The following ALK variants were observed in gnomAD, a reference collection of about 807,000 sequenced individuals.
ALK encodes ALK receptor tyrosine kinase, also known as ALK tyrosine kinase receptor.
A neutral mutation model predicts 163.1 loss-of-function variants in ALK; 74 were observed. The ratio of observed to expected loss-of-function variants is 0.45; its 90% confidence interval spans 0.38 to 0.55. ALK has a LOEUF of 0.55. Ranked by LOEUF, ALK falls within the 20% of genes least tolerant of loss-of-function variation. The probability of loss-of-function intolerance (pLI) is 0.00; values close to 1 mark genes in which losing one functional copy is unlikely to be tolerated. For missense variants in ALK, 2,063 were observed against 2,105.3 expected (o/e 0.98, Z 0.39); for synonymous variants, 960 against 843.2 (o/e 1.14, Z -2.40).
chr2:29,368,425 T>C (rs1668563874), intron 5 of ALK, among the ~76,000 whole-genome samples: 1 of 152,208 alleles, frequency 6.6e-6, no homozygotes. Context: ...GAATTTCTGG[T>C]GATGTTGCAA....
intron 2 of ALK, among the ~76,000 whole-genome samples, chr2:29,698,740 A>G (rs569559795): frequency 6.6e-6 from 1 of 152,364 alleles, no homozygotes; most frequent in African/African-American, 2.4e-5. Context: ...GATCCTGCCT[A>G]GTAAAACAGG....
At chr2:29,599,993 G>A (rs1675338373) in intron 3 of ALK, among the ~76,000 whole-genome samples, 1 of 152,114 alleles carries the variant, frequency 6.6e-6, no homozygotes, top group Non-Finnish European at 1.5e-5. Context: ...CCCATGGCGA[G>A]GTGAGGAAAT....
At chr2:29,356,833 A>G (rs905556339) in intron 5 of ALK, among the ~76,000 whole-genome samples, 5 of 152,204 alleles carry the variant, frequency 3.3e-5, no homozygotes, top group African/African-American at 1.2e-4. Context: ...TGTCTTGGAC[A>G]GAGAAGGAGA....
chr2:29,672,384 A>T (rs1359616930), intron 3 of ALK, among the ~76,000 whole-genome samples: 2 of 139,498 alleles, frequency 1.4e-5, no homozygotes, highest in African/African-American at 5.4e-5. Context: ...TGTCCATGTG[A>T]TCTCATTGTT....
chr2:29,600,157 C>T (rs1166563370), intron 3 of ALK, among the ~76,000 whole-genome samples: 1 of 152,190 alleles, frequency 6.6e-6, no homozygotes, highest in African/African-American at 2.4e-5. Context: ...CCCCCCAAGA[C>T]TGTTTTTCCT....
intron 5 of ALK, among the ~76,000 whole-genome samples, chr2:29,354,458 G>A (rs1668193502): frequency 1.3e-5 from 2 of 152,192 alleles, no homozygotes; most frequent in South Asian, 4.1e-4. Context: ...GGGTGGATCT[G>A]GGGCCAAGGC....
At chr2:29,484,905 A>G (rs761315550) in intron 4 of ALK, among the ~76,000 whole-genome samples, 1 of 152,092 alleles carries the variant, frequency 6.6e-6, no homozygotes, top group Non-Finnish European at 1.5e-5. Context: ...GACAGGTTGG[A>G]TGTCTTTCTG....
chr2:29,622,621 G>C (rs983549012), intron 3 of ALK, among the ~76,000 whole-genome samples: 2 of 152,082 alleles, frequency 1.3e-5, no homozygotes, highest in African/African-American at 4.8e-5. Context: ...ACTTTACACA[G>C]AACCCAGCTT....
At chr2:29,391,303 T>TG (rs145418800) in intron 4 of ALK, among the ~76,000 whole-genome samples, 34,830 of 84,526 alleles carry the variant, frequency 0.41, 4,831 homozygotes, top group East Asian at 0.54. Flanking sequence ...GCCTCTTTTT[T>TG]TTGGGGGGGG....
At chr2:29,600,805 T>A (rs1675362081) in intron 3 of ALK, among the ~76,000 whole-genome samples, 1 of 152,174 alleles carries the variant, frequency 6.6e-6, no homozygotes, top group South Asian at 2.1e-4. Flanking sequence ...ATGGTGTTGG[T>A]TGGTGGGTGG....
chr2:29,280,277 C>G (rs1665675190), intron 9 of ALK, among the ~76,000 whole-genome samples: 1 of 150,654 alleles, frequency 6.6e-6, no homozygotes, highest in Non-Finnish European at 1.5e-5. Flanking sequence ...GTAGTCCATT[C>G]TGGGATTGAG....
At chr2:29,719,458 C>T (rs1290439315) in intron 1 of ALK, among the ~76,000 whole-genome samples, 1 of 152,120 alleles carries the variant, frequency 6.6e-6, no homozygotes, top group Admixed American at 6.5e-5. Context: ...CAATGGGGCT[C>T]AGAGAAGTGA....
intron 15 of ALK, among the ~76,000 whole-genome samples, chr2:29,231,689 CTGAT>C (rs1664212435): frequency 6.6e-6 from 1 of 152,176 alleles, no homozygotes; most frequent in African/African-American, 2.4e-5. Flanking sequence ...CTCCCACAGT[CTGAT>C]TGTGTGGAAA....
chr2:29,230,028 A>G (rs944047959), intron 15 of ALK, among the ~76,000 whole-genome samples: 1 of 152,216 alleles, frequency 6.6e-6, no homozygotes, highest in African/African-American at 2.4e-5. Context: ...AGATTCCAGG[A>G]TATCCCCTAT....
chr2:29,278,616 C>A (rs71444417), intron 9 of ALK, among the ~76,000 whole-genome samples: 7,624 of 152,278 alleles, frequency 0.05, 216 homozygotes, highest in South Asian at 0.097. Flanking sequence ...AAAGCCCAAG[C>A]CTGGGATCTC....
chr2:29,322,515 AGTGTC>A (rs1667091637), intron 6 of ALK, among the ~76,000 whole-genome samples: 1 of 152,230 alleles, frequency 6.6e-6, no homozygotes, highest in Admixed American at 6.5e-5. Context: ...CTTCTCATGG[AGTGTC>A]CTTCACAAGT....
chr2:29,417,198 C>T (rs1396901268), intron 4 of ALK, among the ~76,000 whole-genome samples: 1 of 151,974 alleles, frequency 6.6e-6, no homozygotes, highest in Non-Finnish European at 1.5e-5. Flanking sequence ...CCATGTTAGC[C>T]AGGGTGGTCT....
At chr2:29,522,655 A>G (rs144521506) in intron 4 of ALK, among the ~76,000 whole-genome samples, 2,005 of 152,246 alleles carry the variant, frequency 0.013, 19 homozygotes, top group Non-Finnish European at 0.021. Context: ...AGGAGGGGAC[A>G]TTGCATGTGT....
At chr2:29,444,021 CAG>C (rs1670609049) in intron 4 of ALK, among the ~76,000 whole-genome samples, 1 of 152,174 alleles carries the variant, frequency 6.6e-6, no homozygotes, top group Non-Finnish European at 1.5e-5. Context: ...AACTGAGTCA[CAG>C]AAAGTCATAT....
Sources: gnomAD v4.1 joint callset for allele counts (sites outside exome capture counted in the v4.1 genomes callset) on GRCh38, gnomAD v4.1.1 for gene constraint, MANE v1.5 for transcripts, NCBI Gene and HGNC (gene_info 2026-07-23, HGNC 2026-07-21) for gene names.